MKLN1: variants seen among roughly 807,000 people sequenced by gnomAD.
The protein encoded by MKLN1 is muskelin.
MKLN1 carries 18 observed loss-of-function variants against 99.0 expected under a neutral mutation model. The observed-to-expected ratio is 0.18, with a 90% CI of 0.13 to 0.27. MKLN1 has a LOEUF of 0.27. Ranked by LOEUF, MKLN1 falls within the 10% of genes least tolerant of loss-of-function variation. MKLN1 has a pLI of 1.00. For missense variants in MKLN1, 621 were observed against 875.9 expected, an observed-to-expected ratio of 0.71 and a Z score of 3.67; for synonymous variants, 288 against 293.2, an observed-to-expected ratio of 0.98 and a Z score of 0.18.
intron 1 of MKLN1, among the ~76,000 whole-genome samples, chr7:131,133,991 G>A (rs980008126): frequency 4.0e-5 from 6 of 151,504 alleles, no homozygotes; most frequent in Non-Finnish European, 4.4e-5. Context: ...CACCAAGCCC[G>A]GCTAAGTTTT....
At chr7:131,111,119 T>C (rs1219501954) in intron 1 of MKLN1, among the ~76,000 whole-genome samples, 1 of 152,192 alleles carries the variant, frequency 6.6e-6, no homozygotes, top group Non-Finnish European at 1.5e-5. Context: ...CAAAGCACTT[T>C]CTAAAACATC....
At chr7:131,400,516 A>ATAT (rs1186649549) in intron 6 of MKLN1, among the ~76,000 whole-genome samples, 11 of 108,080 alleles carry the variant, frequency 1.0e-4, no homozygotes, top group African/African-American at 4.9e-4. Context: ...CAATAAAAAA[A>ATAT]AAATATATAT....
In MKLN1 at chr7:131,128,896, A is replaced by ATT. The variant is rs59954758; in HGVS notation, c.-418-13903_-418-13902dup. ...ACCACACGTGTGTGCCACCTCACCT[A>ATT]TTTTTTTTTTTTTTTTTTTTTTGGT... On this transcript the variant is annotated intron_variant, in intron 1 of 7. Transcript: ENST00000416992. 6.6e-3 allele frequency among the ~76,000 whole-genome samples: 790 copies of ATT among 120,066 alleles called. 7 individuals carry two copies. Among genetic ancestry groups the ATT allele is most frequent in the East Asian group, 0.015 (58 of 3,766 alleles). 78.8% of individuals were successfully genotyped at this position (120,066 alleles called of 152,430 possible). A position where few individuals can be genotyped will look rare whatever the true frequency, so the allele number is the denominator to read the frequency against.
intron 2 of MKLN1, among the ~76,000 whole-genome samples, chr7:131,172,472 C>T (rs1412985691): frequency 3.3e-5 from 5 of 151,710 alleles, no homozygotes; most frequent in African/African-American, 7.2e-5. Flanking sequence ...CCCGCCACCA[C>T]GCCCGGCTAA....
intron 3 of MKLN1, among the ~76,000 whole-genome samples, chr7:131,298,928 A>G (rs1798335485): frequency 6.6e-6 from 1 of 152,356 alleles, no homozygotes; most frequent in East Asian, 1.9e-4. Context: ...GCATCAGATT[A>G]GCACTTTGGG....
At chr7:131,272,769 A>AC (rs1356552512) in intron 3 of MKLN1, among the ~76,000 whole-genome samples, 1 of 152,080 alleles carries the variant, frequency 6.6e-6, no homozygotes, top group African/African-American at 2.4e-5. Flanking sequence ...CCCCTGATAA[A>AC]CCCATCAGAT....
At chr7:131,233,676 T>C (rs1320941697) in intron 3 of MKLN1, among the ~76,000 whole-genome samples, 1 of 151,830 alleles carries the variant, frequency 6.6e-6, no homozygotes, top group Non-Finnish European at 1.5e-5. Flanking sequence ...AATTATTAAA[T>C]ATTTAAAATT....
At chr7:131,246,621 C>T (rs983468649) in intron 3 of MKLN1, among the ~76,000 whole-genome samples, 1 of 151,612 alleles carries the variant, frequency 6.6e-6, no homozygotes, top group Non-Finnish European at 1.5e-5. Flanking sequence ...AATCCCCCTT[C>T]CTCCAATAAA....
intron 3 of MKLN1, among the ~76,000 whole-genome samples, chr7:131,228,205 A>G (rs1023440936): frequency 6.6e-6 from 1 of 152,188 alleles, no homozygotes; most frequent in African/African-American, 2.4e-5. Flanking sequence ...CTGGGACTAC[A>G]GGTGTGCACC....
chr7:131,256,409 A>G (rs1797658535), intron 3 of MKLN1, among the ~76,000 whole-genome samples: 1 of 152,258 alleles, frequency 6.6e-6, no homozygotes, highest in African/African-American at 2.4e-5. Flanking sequence ...ATGTAATTAC[A>G]TAATTATAAA....
intron 2 of MKLN1, among the ~76,000 whole-genome samples, chr7:131,173,139 A>AC (rs1796240859): frequency 9.1e-6 from 1 of 110,012 alleles, no homozygotes; most frequent in Non-Finnish European, 1.9e-5. Context: ...TTGTATATAC[A>AC]AACACACACA....
chr7:131,355,136 T>C (rs901719129), intron 1 of MKLN1, among the ~76,000 whole-genome samples: 2 of 152,136 alleles, frequency 1.3e-5, no homozygotes, highest in African/African-American at 4.8e-5. Flanking sequence ...CATGTATAAA[T>C]ATCTTGCTGC....
Position 131,388,926 on chromosome 7 carries a change from G to A in MKLN1, c.354G>A (p.Lys118=), listed in dbSNP as rs1794113406. The A allele has an allele frequency of 3.1e-6, 5 of 1,610,230 alleles. No homozygotes were observed. In the South Asian group the frequency reaches 5.5e-5, roughly 18 times the overall value. Residue 118 remains lysine, a synonymous_variant, in exon 4 of 18, where the codon AAG becomes AAA. Transcript: ENST00000352689. ...ATAACAAAGAAACATTCACCTTGAA[G>A]CATAAAATTGATGAACAGATGTTCC... ...NDYNKETFTL[K]HKIDEQMFPC...
chr7:131,395,914 C>T (rs549053017), intron 4 of MKLN1, among the ~76,000 whole-genome samples: 34 of 151,264 alleles, frequency 2.2e-4, no homozygotes, highest in Non-Finnish European at 3.4e-4. Context: ...ATAAATATTG[C>T]GTATTTTAAG....
intron 2 of MKLN1, among the ~76,000 whole-genome samples, chr7:131,145,225 A>G (rs1795800538): frequency 6.6e-6 from 1 of 152,198 alleles, no homozygotes; most frequent in African/African-American, 2.4e-5. Context: ...TGTAATAATG[A>G]ATCATATCAA....
At chr7:131,142,622 C>A (rs1295398038) in intron 1 of MKLN1, among the ~76,000 whole-genome samples, 1 of 151,656 alleles carries the variant, frequency 6.6e-6, no homozygotes, top group Non-Finnish European at 1.5e-5. Flanking sequence ...GTAGTCCCAG[C>A]TACTCGGGAG....
intron 3 of MKLN1, among the ~76,000 whole-genome samples, chr7:131,248,074 A>ATTTATTTAT (rs112584945): frequency 7.0e-5 from 4 of 57,328 alleles, no homozygotes; most frequent in African/African-American, 4.5e-4. Context: ...AATTACATTT[A>ATTTATTTAT]TTATTTATTT....
intron 3 of MKLN1, among the ~76,000 whole-genome samples, chr7:131,266,033 A>G (rs6977127): frequency 0.49 from 73,756 of 151,868 alleles, 19,778 homozygotes; most frequent in African/African-American, 0.71. Context: ...AATTAGCCAG[A>G]CATGGTGGTG....
At chr7:131,273,227 T>C (rs960143423) in intron 3 of MKLN1, among the ~76,000 whole-genome samples, 2 of 152,210 alleles carry the variant, frequency 1.3e-5, no homozygotes, top group Non-Finnish European at 2.9e-5. Flanking sequence ...TGAGACCAGC[T>C]GGTGTGCCTG....
Sources: gnomAD v4.1 joint callset for allele counts (sites outside exome capture counted in the v4.1 genomes callset) on GRCh38, gnomAD v4.1.1 for gene constraint, MANE v1.5 for transcripts, NCBI Gene and HGNC (gene_info 2026-07-23, HGNC 2026-07-21) for gene names.